VWA3B: variants seen among roughly 807,000 people sequenced by gnomAD.
The protein encoded by VWA3B is von Willebrand factor A domain containing 3B, also known as von Willebrand factor A domain-containing protein 3B.
VWA3B carries 138 observed loss-of-function variants against 158.3 expected under a neutral mutation model. The ratio of observed to expected loss-of-function variants is 0.87; its 90% CI spans 0.76 to 1.00. The LOEUF is 1.00. Among genes scored for constraint, VWA3B ranks in the 50% least tolerant of loss-of-function variants. VWA3B has a pLI of 0.00. For missense variants in VWA3B, 1,555 were observed against 1,565.1 expected, an observed-to-expected ratio of 0.99 and a Z score of 0.11; for synonymous variants, 596 against 587.3, an observed-to-expected ratio of 1.01 and a Z score of -0.21.
intron 12 of VWA3B, 56 bp downstream of exon 12, chr2:98,194,548 G>C: frequency 6.3e-7 from 1 of 1,580,386 alleles, no homozygotes; most frequent in Non-Finnish European, 8.6e-7. Flanking sequence ...CCTGTGTACT[G>C]AGTTCATTCA....
rs192722053 is a variant in VWA3B, at chr2:98,130,418, C to T, written c.872+2010C>T. Among the ~76,000 whole-genome samples the T allele has an allele frequency of 2.6e-3, 397 of 152,184 alleles. 5 individuals carry two copies. The highest frequency in any genetic ancestry group is 0.024 in the East Asian group (125 of 5,170). On this transcript the variant is annotated intron_variant, in intron 6 of 27. Transcript: ENST00000477737. ...AATCCTCCTCAGCACAGACCCTTTA[C>T]GGGTGTTGGGCTGGGGGACAGTCAG...
chr2:98,287,242 G>A (rs896130808), intron 22 of VWA3B, among the ~76,000 whole-genome samples: 5 of 152,056 alleles, frequency 3.3e-5, no homozygotes, highest in African/African-American at 4.8e-5. Context: ...TTTGGACCAC[G>A]CCAAGAGACA....
chr2:98,193,231 A>G (rs992499406), intron 11 of VWA3B, among the ~76,000 whole-genome samples, 195 bp downstream of exon 11: 8 of 152,106 alleles, frequency 5.3e-5, no homozygotes. Flanking sequence ...TCTGTCACAC[A>G]TGAGTTGCTT....
Position 98,258,977 on chromosome 2 carries a change from T to C in VWA3B, c.2843+2803T>C, listed in dbSNP as rs377415258. Reference sequence around the variant, plus strand: ...TCCTGATTGTTTTTATCATGAAAAGTGTGTGTTAAATTTTGTCAAGTGCTT... The same window carrying C: ...TCCTGATTGTTTTTATCATGAAAAGCGTGTGTTAAATTTTGTCAAGTGCTT... On this transcript the variant is annotated intron_variant, in intron 21 of 27. Coordinates refer to ENST00000477737, the MANE Select transcript of VWA3B (RefSeq NM_144992.5). Among the ~76,000 whole-genome samples, 107 of 151,744 alleles carry C rather than the reference T, an allele frequency of 7.1e-4. 2 individuals carry two copies. In the South Asian group the frequency reaches 0.02, roughly 28 times the overall value.
chr2:98,124,075 C>A (rs895433934), intron 5 of VWA3B, among the ~76,000 whole-genome samples: 1 of 152,216 alleles, frequency 6.6e-6, no homozygotes, highest in Non-Finnish European at 1.5e-5. Context: ...CATAAAGAAC[C>A]TTCACTGCTG....
At chr2:98,213,959 G>A (rs928406036) in intron 13 of VWA3B, among the ~76,000 whole-genome samples, 4 of 152,170 alleles carry the variant, frequency 2.6e-5, no homozygotes, top group African/African-American at 7.2e-5. Context: ...GGTAGGCTGA[G>A]GCAGGAGGAT....
At chr2:98,246,205 C>A (rs1353289811) in intron 19 of VWA3B, among the ~76,000 whole-genome samples, 1 of 152,038 alleles carries the variant, frequency 6.6e-6, no homozygotes, top group Non-Finnish European at 1.5e-5. Context: ...TTAGAAGTAA[C>A]CACTATTGAT....
At chr2:98,105,896 TTTTATTTA>T (rs569443221) in intron 2 of VWA3B, among the ~76,000 whole-genome samples, 1 of 151,954 alleles carries the variant, frequency 6.6e-6, no homozygotes, top group Non-Finnish European at 1.5e-5. Flanking sequence ...TCTATTTTGT[TTTTATTTA>T]TTTATTTATT....
At chr2:98,162,664 C>T (rs529369097) in intron 7 of VWA3B, among the ~76,000 whole-genome samples, 187 bp from the exon 8 acceptor site, 24 of 152,286 alleles carry the variant, frequency 1.6e-4, no homozygotes, top group African/African-American at 5.1e-4. Flanking sequence ...TTTATGATTT[C>T]TTGAGATGAT....
intron 13 of VWA3B, chr2:98,216,788 G>A (rs888745967): frequency 4.9e-5 from 25 of 514,416 alleles, no homozygotes; most frequent in Admixed American, 2.3e-4. Flanking sequence ...CACAGCAGCC[G>A]TTTAAGGAGG....
intron 2 of VWA3B, among the ~76,000 whole-genome samples, chr2:98,107,327 G>A (rs1673747224): frequency 6.6e-6 from 1 of 151,872 alleles, no homozygotes; most frequent in Admixed American, 6.6e-5. Flanking sequence ...GTCTGGTTTT[G>A]GTATGACAAG....
intron 23 of VWA3B, among the ~76,000 whole-genome samples, chr2:98,297,542 A>G (rs1027849977): frequency 1.3e-5 from 2 of 152,158 alleles, no homozygotes; most frequent in Non-Finnish European, 2.9e-5. Context: ...AGTATTATGG[A>G]AAAAAATAGG....
chr2:98,299,460 A>G (rs1690043811), intron 24 of VWA3B, among the ~76,000 whole-genome samples: 1 of 152,184 alleles, frequency 6.6e-6, no homozygotes, highest in Non-Finnish European at 1.5e-5. Flanking sequence ...GCCCAGTGTG[A>G]GCCGGGAGGA....
intron 7 of VWA3B, among the ~76,000 whole-genome samples, chr2:98,157,456 A>AT (rs1573932894): frequency 1.3e-5 from 2 of 152,142 alleles, no homozygotes; most frequent in East Asian, 1.9e-4. Context: ...ATAACTGGGA[A>AT]TTTTTTTATT....
intron 22 of VWA3B, among the ~76,000 whole-genome samples, chr2:98,279,570 G>A (rs1238388117): frequency 1.3e-5 from 2 of 152,176 alleles, no homozygotes; most frequent in African/African-American, 4.8e-5. Flanking sequence ...GTGAAGAAAC[G>A]TTAATGAAGG....
rs191146877 is a variant in VWA3B, at chr2:98,104,215, T to A, written c.196+10927T>A. On this transcript the variant is annotated intron_variant, in intron 2 of 27. Coordinates refer to ENST00000477737, the MANE Select transcript of VWA3B (RefSeq NM_144992.5). Reference sequence around the variant, plus strand: ...AAATCAGTTAGTGTCTTTATCCATTTGTGTTGCTGTAAAGGTATGACTGAG... The same window carrying A: ...AAATCAGTTAGTGTCTTTATCCATTAGTGTTGCTGTAAAGGTATGACTGAG... Among the ~76,000 whole-genome samples, 11 of 152,366 alleles carry A rather than the reference T, an allele frequency of 7.2e-5. No homozygotes were observed. The East Asian group carries it at 2.1e-3, about 29-fold the overall frequency.
intron 6 of VWA3B, among the ~76,000 whole-genome samples, chr2:98,128,767 C>G (rs1004417232): frequency 6.6e-6 from 1 of 152,218 alleles, no homozygotes; most frequent in Non-Finnish European, 1.5e-5. Context: ...AACCGCTGTT[C>G]TCTACCCTAA....
chr2:98,211,133 G>A (rs375138581), intron 12 of VWA3B, among the ~76,000 whole-genome samples: 8 of 152,322 alleles, frequency 5.3e-5, no homozygotes, highest in Admixed American at 1.3e-4. Context: ...CCTGTCCATT[G>A]GTGATGCTGT....
chr2:98,180,407 G>A (rs181608338), intron 8 of VWA3B, among the ~76,000 whole-genome samples: 2 of 152,330 alleles, frequency 1.3e-5, no homozygotes, highest in East Asian at 3.9e-4. Flanking sequence ...GGCCAGGCTG[G>A]TGTTAAACTC....
Sources: gnomAD v4.1 joint callset for allele counts (sites outside exome capture counted in the v4.1 genomes callset) on GRCh38, gnomAD v4.1.1 for gene constraint, MANE v1.5 for transcripts, NCBI Gene and HGNC (gene_info 2026-07-23, HGNC 2026-07-21) for gene names.